DSCAM: variants seen among roughly 807,000 people sequenced by gnomAD.
The protein encoded by DSCAM is cell adhesion molecule DSCAM.
DSCAM carries 47 observed loss-of-function variants against 217.7 expected under a neutral mutation model. The observed-to-expected ratio is 0.22, with a 90% CI of 0.17 to 0.28. The LOEUF (loss-of-function observed/expected upper bound fraction) is 0.28. Ranked by LOEUF, DSCAM falls within the 10% of genes least tolerant of loss-of-function variation. The probability of loss-of-function intolerance (pLI) is 1.00; values close to 1 mark genes in which losing one functional copy is unlikely to be tolerated. For synonymous variants in DSCAM, 1,056 were observed against 1,015.3 expected, an observed-to-expected ratio of 1.04 and a Z score of -0.76; for missense variants, 2,080 against 2,618.3, an observed-to-expected ratio of 0.79 and a Z score of 4.49.
rs2089802042 is a variant in DSCAM, at chr21:40,637,452, TATATAC to T, written c.508+55352_508+55357del. Among the ~76,000 whole-genome samples, 8 of 46,640 alleles carry T rather than the reference TATATAC, an allele frequency of 1.7e-4. 3 individuals are homozygous for T. Among genetic ancestry groups the T allele is most frequent in the Non-Finnish European group, 2.8e-4 (8 of 28,262 alleles). 30.6% of individuals were successfully genotyped at this position (46,640 alleles called of 152,430 possible). A position where few individuals can be genotyped will look rare whatever the true frequency, so the allele number is the denominator to read the frequency against. On this transcript the variant is annotated intron_variant, in intron 3 of 32. Transcript: ENST00000400454. ...ATATAAATATAAATATATATATAAA[TATATAC>T]AAATATATATAAATATATATAAATA...
At chr21:40,791,010 C>G (rs2091637612) in intron 1 of DSCAM, among the ~76,000 whole-genome samples, 1 of 151,690 alleles carries the variant, frequency 6.6e-6, no homozygotes, top group Non-Finnish European at 1.5e-5. Flanking sequence ...AACCCCATCT[C>G]TACTAAAAAT....
At chr21:40,500,121 C>A (rs191978913) in intron 3 of DSCAM, among the ~76,000 whole-genome samples, 1 of 152,216 alleles carries the variant, frequency 6.6e-6, no homozygotes, top group East Asian at 1.9e-4. Flanking sequence ...TTCAGCAGTA[C>A]TGGGAGGGAG....
intron 24 of DSCAM, among the ~76,000 whole-genome samples, chr21:40,081,690 C>A (rs2089462344): frequency 6.6e-6 from 1 of 152,200 alleles, no homozygotes; most frequent in Admixed American, 6.5e-5. Context: ...CTCCTCTAAT[C>A]CTTGGTGATA....
At chr21:40,587,724 C>G (rs1352736868) in intron 3 of DSCAM, among the ~76,000 whole-genome samples, 1 of 152,054 alleles carries the variant, frequency 6.6e-6, no homozygotes, top group Non-Finnish European at 1.5e-5. Flanking sequence ...GATGTACAAG[C>G]CAGATATTCT....
chr21:40,181,013 C>A (rs1475675652), intron 14 of DSCAM, among the ~76,000 whole-genome samples: 2 of 152,196 alleles, frequency 1.3e-5, no homozygotes, highest in Non-Finnish European at 2.9e-5. Flanking sequence ...GCGTTTGCAC[C>A]CTGTCTGTAG....
At chr21:40,073,525 C>T (rs777829379) in intron 27 of DSCAM, among the ~76,000 whole-genome samples, 2 of 152,162 alleles carry the variant, frequency 1.3e-5, no homozygotes, top group Non-Finnish European at 2.9e-5. Flanking sequence ...GAATGGAATT[C>T]AACATGGTCC....
At chr21:40,594,746 C>G (rs2837738) in intron 3 of DSCAM, among the ~76,000 whole-genome samples, 76,961 of 152,024 alleles carry the variant, frequency 0.51, 19,531 homozygotes, top group Admixed American at 0.55. Context: ...TCTACAGTAA[C>G]AGATGTGGGC....
intron 3 of DSCAM, among the ~76,000 whole-genome samples, chr21:40,381,011 C>G: frequency 7.5e-6 from 1 of 133,190 alleles, no homozygotes; most frequent in South Asian, 2.4e-4. Context: ...TGCAGTGAGC[C>G]GAGATCGTGC....
intron 11 of DSCAM, among the ~76,000 whole-genome samples, chr21:40,249,128 C>T (rs1226119772): frequency 1.3e-5 from 2 of 152,134 alleles, no homozygotes; most frequent in East Asian, 3.9e-4. Flanking sequence ...CAAATCATAC[C>T]AATGAACATC....
chr21:40,012,752 CT>C lies in DSCAM; in HGVS notation c.*281del, dbSNP rs1168854330. On this transcript the variant is annotated 3_prime_UTR_variant, in exon 33 of 33. Coordinates refer to ENST00000400454, the MANE Select transcript of DSCAM (RefSeq NM_001389.5). ...AGGTTTAATTAATCCCCCCCATGCA[CT>C]TTTGTAGAAAATCAGTAAAAATGCA... The C allele has an allele frequency of 1.0e-4, 22 of 214,548 alleles. No homozygotes were observed. Among genetic ancestry groups the C allele is most frequent in the Non-Finnish European group, 2.0e-4 (22 of 110,226 alleles). 13.3% of individuals were successfully genotyped at this position (214,548 alleles called of 1,614,324 possible).
At position 40,013,202 on chromosome 21, in the gene DSCAM, CGTGGAGGAG is replaced by C; in HGVS notation, c.5862_5870del (p.Ser1955_Thr1957del). On this transcript the variant is annotated inframe_deletion, in exon 33 of 33. Transcript: ENST00000400454. ...CCGGCTGCCACGACTGTCCTTCTCTCGTGGAGGAGGCGGAGGAGGCGGCTTCCATCGGGA... is the reference window on the plus strand; with the variant it reads ...CCGGCTGCCACGACTGTCCTTCTCTCGCGGAGGAGGCGGCTTCCATCGGGA... The C allele has an allele frequency of 6.2e-7, 1 of 1,613,684 alleles. No homozygotes were observed.
At chr21:40,695,370 G>A (rs1318567044) in intron 2 of DSCAM, among the ~76,000 whole-genome samples, 2 of 152,104 alleles carry the variant, frequency 1.3e-5, no homozygotes, top group Non-Finnish European at 2.9e-5. Context: ...AAACCCCTCA[G>A]TCCCAGCACT....
intron 3 of DSCAM, among the ~76,000 whole-genome samples, chr21:40,550,877 C>T (rs2076624438): frequency 1.3e-5 from 2 of 152,142 alleles, no homozygotes; most frequent in African/African-American, 2.4e-5. Context: ...TGCTTACAGG[C>T]TTATTTGAGC....
chr21:40,227,703 CATTTAG>C (rs1418201932), intron 11 of DSCAM, among the ~76,000 whole-genome samples: 6 of 152,150 alleles, frequency 3.9e-5, no homozygotes, highest in Non-Finnish European at 7.3e-5. Flanking sequence ...TTTTAGAATA[CATTTAG>C]ATTTATAGAA....
chr21:40,137,894 G>C (rs2146700891), intron 18 of DSCAM, among the ~76,000 whole-genome samples: 1 of 152,202 alleles, frequency 6.6e-6, no homozygotes, highest in South Asian at 2.1e-4. Flanking sequence ...CTTCCTTTCA[G>C]AATGTACCAT....
intron 4 of DSCAM, among the ~76,000 whole-genome samples, chr21:40,362,391 G>C (rs945919670): frequency 1.3e-5 from 2 of 152,122 alleles, no homozygotes; most frequent in African/African-American, 4.8e-5. Flanking sequence ...CTTATGAACT[G>C]GAATTTATTT....
chr21:40,238,207 C>T (rs1229017341), intron 11 of DSCAM, among the ~76,000 whole-genome samples: 1 of 152,146 alleles, frequency 6.6e-6, no homozygotes, highest in Non-Finnish European at 1.5e-5. Context: ...CTCCAGCCCC[C>T]AAGTCTGATT....
chr21:40,793,752 A>G (rs2123473314), intron 1 of DSCAM, among the ~76,000 whole-genome samples: 1 of 152,220 alleles, frequency 6.6e-6, no homozygotes, highest in East Asian at 1.9e-4. Flanking sequence ...CGGCCTCCCA[A>G]AGTGCTGGGA....
chr21:40,525,755 T>C (rs2076395417), intron 3 of DSCAM, among the ~76,000 whole-genome samples: 1 of 152,222 alleles, frequency 6.6e-6, no homozygotes, highest in African/African-American at 2.4e-5. Context: ...CCCAGCTATA[T>C]GGTCTCAGAA....
Sources: gnomAD v4.1 joint callset for allele counts (sites outside exome capture counted in the v4.1 genomes callset) on GRCh38, gnomAD v4.1.1 for gene constraint, MANE v1.5 for transcripts, NCBI Gene and HGNC (gene_info 2026-07-23, HGNC 2026-07-21) for gene names.